SLC9A8: variants seen among roughly 807,000 people sequenced by gnomAD.
SLC9A8 encodes solute carrier family 9 member A8, also known as sodium/hydrogen exchanger 8.
SLC9A8 carries 48 observed loss-of-function variants against 66.6 expected under a neutral mutation model. The ratio of observed to expected loss-of-function variants is 0.72; its 90% CI spans 0.57 to 0.92. SLC9A8 has a LOEUF of 0.92. Ranked by LOEUF, SLC9A8 falls within the 40% of genes least tolerant of loss-of-function variation. SLC9A8 has a pLI of 0.00. For synonymous variants in SLC9A8, 274 were observed against 282.6 expected, an observed-to-expected ratio of 0.97 and a Z score of 0.31; for missense variants, 599 against 747.3, an observed-to-expected ratio of 0.80 and a Z score of 2.31.
chr20:49,874,050 G>A (rs1377533339), intron 10 of SLC9A8, among the ~76,000 whole-genome samples: 5 of 152,104 alleles, frequency 3.3e-5, no homozygotes, highest in Non-Finnish European at 7.3e-5. Context: ...AGGAGTTTGA[G>A]ACCAGCCTGG....
intron 1 of SLC9A8, among the ~76,000 whole-genome samples, chr20:49,813,980 A>G (rs905395276): frequency 3.9e-5 from 6 of 152,206 alleles, no homozygotes; most frequent in African/African-American, 1.4e-4. Context: ...TAGATGCCCT[A>G]TCACTGTTTG....
intron 13 of SLC9A8, among the ~76,000 whole-genome samples, chr20:49,882,344 A>G (rs148611658): frequency 0.015 from 2,303 of 152,218 alleles, 23 homozygotes; most frequent in Middle Eastern, 0.034. Flanking sequence ...CCCCCGTCCT[A>G]GCCTACCTCC....
At chr20:49,829,678 C>T (rs1386718993) in intron 3 of SLC9A8, 17 of 474,958 alleles carry the variant, frequency 3.6e-5, no homozygotes, top group East Asian at 3.5e-4. Flanking sequence ...TTCCAGCAAG[C>T]GGTGGATGCC....
chr20:49,869,205 G>T (rs549898027), intron 10 of SLC9A8, among the ~76,000 whole-genome samples: 1 of 152,096 alleles, frequency 6.6e-6, no homozygotes, highest in African/African-American at 2.4e-5. Flanking sequence ...TTAATCATGA[G>T]ATAACACTTT....
At chr20:49,831,402 A>ACTCTCTCTCTCT (rs11469884) in intron 3 of SLC9A8, among the ~76,000 whole-genome samples, 3 of 142,750 alleles carry the variant, frequency 2.1e-5, no homozygotes, top group African/African-American at 7.8e-5. Context: ...ACACACACAC[A>ACTCTCTCTCTCT]CTCTCTCTCT....
intron 3 of SLC9A8, among the ~76,000 whole-genome samples, chr20:49,831,460 A>C (rs1480837430): frequency 1.3e-5 from 2 of 152,076 alleles, no homozygotes; most frequent in Non-Finnish European, 2.9e-5. Context: ...CCCAGGATAG[A>C]AACTGCCCAG....
intron 6 of SLC9A8, among the ~76,000 whole-genome samples, chr20:49,850,262 C>A (rs1263076142): frequency 6.6e-6 from 1 of 152,220 alleles, no homozygotes; most frequent in African/African-American, 2.4e-5. Flanking sequence ...TTAATTTAGA[C>A]CAAACATCCC....
chr20:49,833,080 A>G (rs879510057), intron 3 of SLC9A8, among the ~76,000 whole-genome samples: 3 of 151,834 alleles, frequency 2.0e-5, no homozygotes, highest in Admixed American at 2.0e-4. Flanking sequence ...TAATTTTTGT[A>G]TTTTTAGCGG....
intron 3 of SLC9A8, among the ~76,000 whole-genome samples, chr20:49,838,983 T>C (rs1024317537): frequency 6.6e-6 from 1 of 152,220 alleles, no homozygotes; most frequent in African/African-American, 2.4e-5. Flanking sequence ...GTGGCCACTT[T>C]ATAAGAGTGA....
At chr20:49,850,036 G>A (rs1443172577) in intron 6 of SLC9A8, among the ~76,000 whole-genome samples, 3 of 152,148 alleles carry the variant, frequency 2.0e-5, no homozygotes, top group Non-Finnish European at 4.4e-5. Context: ...ACTGAATTGG[G>A]GTTGAATGCT....
chr20:49,868,561 A>C (rs1173724623), intron 10 of SLC9A8, among the ~76,000 whole-genome samples: 3 of 152,206 alleles, frequency 2.0e-5, no homozygotes, highest in Non-Finnish European at 2.9e-5. Context: ...GGAGCAGGAC[A>C]TTCTCTTCCT....
At chr20:49,818,143 A>G (rs965236536) in intron 2 of SLC9A8, among the ~76,000 whole-genome samples, 2 of 152,214 alleles carry the variant, frequency 1.3e-5, no homozygotes, top group Non-Finnish European at 2.9e-5. Context: ...ACAAAAGACC[A>G]CAAAACAGGT....
At chr20:49,879,901 G>A (rs775943975) in intron 12 of SLC9A8, among the ~76,000 whole-genome samples, 9 of 152,058 alleles carry the variant, frequency 5.9e-5, no homozygotes, top group Non-Finnish European at 1.2e-4. Flanking sequence ...AAGTAGTTAT[G>A]GTGAGAACCA....
intron 10 of SLC9A8, 31 bp downstream of exon 10, chr20:49,864,875 G>T (rs759330189): frequency 5.7e-6 from 8 of 1,409,468 alleles, no homozygotes; most frequent in Non-Finnish European, 7.0e-6. Context: ...AAGTGCTGTG[G>T]TGATGGCATC....
At chr20:49,842,761 T>A (rs2087820037) in intron 4 of SLC9A8, among the ~76,000 whole-genome samples, 1 of 152,202 alleles carries the variant, frequency 6.6e-6, no homozygotes, top group African/African-American at 2.4e-5. Context: ...TATCACAAAC[T>A]AAGTGGCCTA....
intron 3 of SLC9A8, among the ~76,000 whole-genome samples, chr20:49,838,979 A>G (rs1209207455): frequency 6.6e-6 from 1 of 151,964 alleles, no homozygotes; most frequent in Non-Finnish European, 1.5e-5. Context: ...TTTGGTGGCC[A>G]CTTTATAAGA....
intron 3 of SLC9A8, among the ~76,000 whole-genome samples, chr20:49,834,179 CTCTCTCTATATATATA>C (rs747011196): frequency 0.016 from 872 of 54,660 alleles, 5 homozygotes; most frequent in East Asian, 0.048. Context: ...CTCTCTCTCT[CTCTCTCTATATATATA>C]TATATATATA....
At chr20:49,817,979 T>A (rs552018826) in intron 2 of SLC9A8, among the ~76,000 whole-genome samples, 14 of 152,330 alleles carry the variant, frequency 9.2e-5, no homozygotes, top group African/African-American at 3.4e-4. Flanking sequence ...TATTAATCTA[T>A]TTACACTGCT....
chr20:49,880,894 A>G (rs761074310), intron 12 of SLC9A8, 30 bp from the exon 13 acceptor site: 1 of 1,458,858 alleles, frequency 6.9e-7, no homozygotes, highest in South Asian at 1.1e-5. Flanking sequence ...AGATGTTTTC[A>G]CCTAAGACTT....
Sources: allele counts gnomAD v4.1 joint callset (sites outside exome capture counted in the v4.1 genomes callset), GRCh38; gene constraint gnomAD v4.1.1; transcripts MANE v1.5; gene names NCBI Gene and HGNC (gene_info 2026-07-23, HGNC 2026-07-21).